Variants in HMGXB4 observed in about 807,000 individuals in gnomAD.
The protein encoded by HMGXB4 is HMG-box containing 4, also known as HMG domain-containing protein 4.
Under a neutral mutation model 63.9 loss-of-function variants are expected in HMGXB4, and 27 were observed. The ratio of observed to expected loss-of-function variants is 0.42; its 90% CI spans 0.31 to 0.58. The LOEUF (loss-of-function observed/expected upper bound fraction) is 0.58, where lower values mean the gene tolerates loss of function less well. HMGXB4 is among the 20% of genes least tolerant of loss of function. HMGXB4 has a pLI of 0.13. For missense variants in HMGXB4, 624 were observed against 700.7 expected (o/e 0.89, Z 1.24); for synonymous variants, 264 against 265.3 (o/e 0.99, Z 0.05).
rs1925193254 is a variant in HMGXB4, at chr22:35,295,224, T to G, written c.*1573T>G. On this transcript the variant is annotated 3_prime_UTR_variant, in exon 11 of 11. Transcript: ENST00000216106. The stretch of plus-strand genomic sequence containing the variant: ...GCATCCTATTTAATTTCTTCCCTTC[T>G]CCCCACCAGTGTTGTCACAGGGCTA... The G allele has an allele frequency of 6.6e-6, 1 of 152,218 alleles. No homozygotes were observed. Among genetic ancestry groups the G allele is most frequent in the Non-Finnish European group, 1.5e-5 (1 of 68,070 alleles). The allele number at this position is 152,218 out of a possible 1,614,324, so 9.4% of individuals were successfully genotyped here. A position where few individuals can be genotyped will look rare whatever the true frequency, so the allele number is the denominator to read the frequency against.
At chr22:35,286,303 A>G (rs1924572529) in intron 7 of HMGXB4, among the ~76,000 whole-genome samples, 1 of 152,192 alleles carries the variant, frequency 6.6e-6, no homozygotes, top group Non-Finnish European at 1.5e-5. Context: ...GTTACATTTG[A>G]GCCAAAAGAT....
intron 2 of HMGXB4, chr22:35,262,818 C>T: frequency 1.9e-6 from 1 of 536,068 alleles, no homozygotes; most frequent in Non-Finnish European, 3.3e-6. Context: ...AATCACAACT[C>T]AGAAACCATA....
intron 6 of HMGXB4, 42 bp downstream of exon 6, chr22:35,284,085 A>G (rs1419912339): frequency 2.2e-6 from 3 of 1,367,686 alleles, no homozygotes; most frequent in Non-Finnish European, 3.1e-6. Flanking sequence ...CTTTCCATTT[A>G]TATCTTGAAG....
chr22:35,292,049 TCTTC>T (rs762808270), intron 9 of HMGXB4, among the ~76,000 whole-genome samples: 3 of 152,194 alleles, frequency 2.0e-5, no homozygotes, highest in Non-Finnish European at 4.4e-5. Flanking sequence ...GGAAGGTTAT[TCTTC>T]CTTACAGGAA....
At chr22:35,257,903 C>T (rs1016860382) in intron 1 of HMGXB4, among the ~76,000 whole-genome samples, 1 of 152,014 alleles carries the variant, frequency 6.6e-6, no homozygotes, top group Non-Finnish European at 1.5e-5. Context: ...TCGGGGGCGC[C>T]GTGAGGCCGC....
chr22:35,242,288 G>T, the HMGXB4 span, among the ~76,000 whole-genome samples: 1 of 151,998 alleles, frequency 6.6e-6, no homozygotes, highest in East Asian at 1.9e-4. Context: ...TTGAAGAATT[G>T]ATCCATTTCA....
chr22:35,253,138 A>C (rs938881709), upstream of HMGXB4, among the ~76,000 whole-genome samples: 1 of 147,322 alleles, frequency 6.8e-6, no homozygotes, highest in Non-Finnish European at 1.5e-5. Flanking sequence ...ATCTCAAAAA[A>C]AAAAAAAAAA....
intron 5 of HMGXB4, among the ~76,000 whole-genome samples, chr22:35,275,791 A>G (rs1923880560): frequency 6.6e-6 from 1 of 152,232 alleles, no homozygotes; most frequent in African/African-American, 2.4e-5. Context: ...TACCTCATCA[A>G]ATATTTAAAA....
intron 10 of HMGXB4, 63 bp from the exon 11 acceptor site, chr22:35,293,544 A>G: frequency 9.1e-7 from 1 of 1,097,784 alleles, no homozygotes; most frequent in Non-Finnish European, 1.4e-6. Context: ...TTGAACAAAG[A>G]AACATCTCTC....
At chr22:35,287,231 G>A (rs1171268476) in intron 7 of HMGXB4, 116 bp from the exon 8 acceptor site, 2 of 768,938 alleles carry the variant, frequency 2.6e-6, no homozygotes, top group African/African-American at 3.5e-5. Context: ...TTAACCCTCT[G>A]TCTGCCCGCC....
chr22:35,287,723 C>T (rs1223074880), intron 8 of HMGXB4, among the ~76,000 whole-genome samples: 10 of 151,662 alleles, frequency 6.6e-5, no homozygotes, highest in African/African-American at 1.5e-4. Context: ...CCAAGGTGGG[C>T]GGATCACCTG....
At chr22:35,278,454 G>A (rs563460806) in intron 5 of HMGXB4, among the ~76,000 whole-genome samples, 1 of 152,168 alleles carries the variant, frequency 6.6e-6, no homozygotes, top group East Asian at 1.9e-4. Context: ...GCTGTACCAT[G>A]GGATCTCAGC....
chr22:35,282,112 C>A (rs1038978309), intron 5 of HMGXB4, among the ~76,000 whole-genome samples: 1 of 152,180 alleles, frequency 6.6e-6, no homozygotes, highest in African/African-American at 2.4e-5. Flanking sequence ...GTTTTCATCA[C>A]AAAACCTGAC....
intron 5 of HMGXB4, among the ~76,000 whole-genome samples, chr22:35,276,163 G>A (rs1923901657): frequency 6.6e-6 from 1 of 152,160 alleles, no homozygotes; most frequent in Non-Finnish European, 1.5e-5. Context: ...ATCTTACACA[G>A]TGGTTAGGTT....
At chr22:35,251,993 T>C in the HMGXB4 span, among the ~76,000 whole-genome samples, 1 of 152,150 alleles carries the variant, frequency 6.6e-6, no homozygotes, top group Admixed American at 6.5e-5. Flanking sequence ...GGCGGGTGGA[T>C]CACCTGAGGT....
At position 35,275,063 on chromosome 22, in the gene HMGXB4, A is replaced by T. The variant is rs571165502; in HGVS notation, c.1216-8899A>T. Among the ~76,000 whole-genome samples the T allele has an allele frequency of 2.0e-5, 3 of 151,200 alleles. No individual in the cohort carries two copies. In the South Asian group the frequency reaches 6.3e-4, roughly 32 times the overall value. On this transcript the variant is annotated intron_variant, in intron 5 of 10. Coordinates refer to ENST00000216106, the MANE Select transcript of HMGXB4 (RefSeq NM_001003681.3). ...GGTTTAAGGGAATTTCTATGGGTAAAGGTCTTACAACAGTGGCTCGTACGT... is the reference window on the plus strand; with the variant it reads ...GGTTTAAGGGAATTTCTATGGGTAATGGTCTTACAACAGTGGCTCGTACGT...
At chr22:35,244,605 T>C in the HMGXB4 span, among the ~76,000 whole-genome samples, 1 of 152,200 alleles carries the variant, frequency 6.6e-6, no homozygotes, top group South Asian at 2.1e-4. Context: ...CATTGGGTCA[T>C]AGCCTGTTCC....
chr22:35,279,132 C>CT (rs551006065), intron 5 of HMGXB4, among the ~76,000 whole-genome samples: 541 of 50,824 alleles, frequency 0.011, 93 homozygotes, highest in African/African-American at 0.022. Context: ...TATGGATTGT[C>CT]TTTTTTTTTT....
At chr22:35,286,727 G>A (rs967315497) in intron 7 of HMGXB4, among the ~76,000 whole-genome samples, 3 of 151,770 alleles carry the variant, frequency 2.0e-5, no homozygotes, top group African/African-American at 7.3e-5. Context: ...GCGCATGCCC[G>A]TAATCCCAGC....
Sources: gnomAD v4.1 joint callset for allele counts (sites outside exome capture counted in the v4.1 genomes callset) on GRCh38, gnomAD v4.1.1 for gene constraint, MANE v1.5 for transcripts, NCBI Gene and HGNC (gene_info 2026-07-23, HGNC 2026-07-21) for gene names.